MAD1L1: variants seen among roughly 807,000 people sequenced by gnomAD.
MAD1L1 encodes mitotic arrest deficient 1 like 1.
Under a neutral mutation model 96.9 loss-of-function variants are expected in MAD1L1, and 95 were observed. The ratio of observed to expected loss-of-function variants is 0.98; its 90% CI spans 0.83 to 1.16. The LOEUF (loss-of-function observed/expected upper bound fraction) is 1.16, where lower values mean the gene tolerates loss of function less well. Among genes scored for constraint, MAD1L1 ranks in the 50% most tolerant of loss-of-function variants. The pLI is 0.00. For missense variants in MAD1L1, 1,007 were observed against 954.4 expected, an observed-to-expected ratio of 1.06 and a Z score of -0.73; for synonymous variants, 473 against 396.6, an observed-to-expected ratio of 1.19 and a Z score of -2.29.
chr7:1,829,976 T>C (rs568325454), intron 18 of MAD1L1, among the ~76,000 whole-genome samples: 63 of 152,194 alleles, frequency 4.1e-4, no homozygotes, highest in African/African-American at 1.5e-3. Context: ...AGTGGAAATA[T>C]CTCCCCCCAA....
chr7:2,212,301 C>T (rs1310278804), intron 10 of MAD1L1, among the ~76,000 whole-genome samples: 1 of 152,250 alleles, frequency 6.6e-6, no homozygotes, highest in Non-Finnish European at 1.5e-5. Context: ...CACCCAAGCG[C>T]TGGCACTCAG....
chr7:2,009,834 G>A (rs920755685), intron 13 of MAD1L1, among the ~76,000 whole-genome samples: 1 of 152,208 alleles, frequency 6.6e-6, no homozygotes, highest in African/African-American at 2.4e-5. Flanking sequence ...CAGCTCCTGT[G>A]CTGGGCAGCG....
At chr7:2,139,705 C>A (rs535791753) in intron 11 of MAD1L1, among the ~76,000 whole-genome samples, 1 of 152,320 alleles carries the variant, frequency 6.6e-6, no homozygotes, top group East Asian at 1.9e-4. Context: ...GGAAGCCGGG[C>A]TTCGGCAGAC....
At chr7:2,214,793 C>A (rs117206014) in intron 9 of MAD1L1, among the ~76,000 whole-genome samples, 4 of 152,218 alleles carry the variant, frequency 2.6e-5, no homozygotes, top group African/African-American at 7.2e-5. Flanking sequence ...CACCTTCCTA[C>A]CAACTGCCGC....
At chr7:2,080,293 A>T (rs1785574686) in intron 11 of MAD1L1, among the ~76,000 whole-genome samples, 1 of 152,236 alleles carries the variant, frequency 6.6e-6, no homozygotes, top group Non-Finnish European at 1.5e-5. Flanking sequence ...ACGGCTCTTT[A>T]CAGAGAAAGG....
chr7:1,825,456 G>A (rs940741350), intron 18 of MAD1L1, among the ~76,000 whole-genome samples: 3 of 152,250 alleles, frequency 2.0e-5, no homozygotes, highest in Non-Finnish European at 4.4e-5. Flanking sequence ...GGGGTGGGTG[G>A]CGCTGGTCAG....
intron 10 of MAD1L1, among the ~76,000 whole-genome samples, chr7:2,189,011 G>A (rs73289776): frequency 0.041 from 6,307 of 152,226 alleles, 456 homozygotes; most frequent in African/African-American, 0.14. Flanking sequence ...AAGAACAGGC[G>A]AAGAACCTGC....
intron 18 of MAD1L1, among the ~76,000 whole-genome samples, chr7:1,852,506 TG>T (rs1365295262): frequency 6.6e-6 from 1 of 152,148 alleles, no homozygotes; most frequent in Non-Finnish European, 1.5e-5. Flanking sequence ...GCGGAGAGGC[TG>T]GGGCAGCCAG....
At chr7:2,144,452 G>A (rs1023164552) in intron 11 of MAD1L1, among the ~76,000 whole-genome samples, 2 of 152,084 alleles carry the variant, frequency 1.3e-5, no homozygotes, top group African/African-American at 2.4e-5. Context: ...CAGAGAAACC[G>A]CCAAGAGCAT....
At chr7:1,896,872 C>T (rs1364540517) in intron 18 of MAD1L1, among the ~76,000 whole-genome samples, 1 of 152,216 alleles carries the variant, frequency 6.6e-6, no homozygotes, top group African/African-American at 2.4e-5. Context: ...TTATTAATAC[C>T]TAATCATTTT....
At chr7:1,847,494 C>G (rs575037415) in intron 18 of MAD1L1, 1 of 471,142 alleles carries the variant, frequency 2.1e-6, no homozygotes, top group East Asian at 6.9e-5. Context: ...TGGGCGGCCA[C>G]TGCAGGGGAA....
chr7:2,077,853 TCA>T (rs1430905824), intron 11 of MAD1L1, among the ~76,000 whole-genome samples: 1 of 152,132 alleles, frequency 6.6e-6, no homozygotes, highest in African/African-American at 2.4e-5. Context: ...CGTCCTCCAG[TCA>T]CAAGAACTGT....
chr7:2,217,877 G>T, intron 7 of MAD1L1, 85 bp downstream of exon 7: 2 of 1,150,596 alleles, frequency 1.7e-6, no homozygotes, highest in Non-Finnish European at 2.6e-6. Flanking sequence ...ACGGAGCTCG[G>T]CACCAGCGCA....
chr7:2,223,246 G>C (rs1044444084), intron 4 of MAD1L1, among the ~76,000 whole-genome samples: 2 of 152,160 alleles, frequency 1.3e-5, no homozygotes, highest in Non-Finnish European at 2.9e-5. Flanking sequence ...TTTACACTGG[G>C]CTCAAATCTG....
At position 2,149,250 on chromosome 7, in the gene MAD1L1, A is replaced by G. The variant is rs757959459; in HGVS notation, c.987-12T>C. The G allele has an allele frequency of 6.2e-7, 1 of 1,606,102 alleles. No homozygotes were observed. The highest frequency in any genetic ancestry group is 1.3e-5 in the African/African-American group (1 of 74,768). ...GGTCTTCTGGAGTCCTGCAGGATAA[A>G]CAAGGCACACTCAGTTCCAGCTGTC... On this transcript the variant is annotated splice_polypyrimidine_tract_variant and intron_variant, in intron 10 of 18. Coordinates refer to ENST00000265854, the MANE Select transcript of MAD1L1 (RefSeq NM_001013836.2).
chr7:2,132,349 G>A (rs968361645), intron 11 of MAD1L1, among the ~76,000 whole-genome samples: 2 of 152,098 alleles, frequency 1.3e-5, no homozygotes, highest in African/African-American at 4.8e-5. Flanking sequence ...CTCGGGTTTA[G>A]ACGAACGCAT....
intron 10 of MAD1L1, among the ~76,000 whole-genome samples, chr7:2,153,879 C>T (rs561608365): frequency 6.6e-5 from 10 of 152,186 alleles, no homozygotes; most frequent in Non-Finnish European, 1.3e-4. Context: ...AGAGCTGGGC[C>T]GAGCGCGGTG....
At chr7:2,054,196 C>T (rs1458524080) in intron 12 of MAD1L1, among the ~76,000 whole-genome samples, 3 of 152,190 alleles carry the variant, frequency 2.0e-5, no homozygotes, top group East Asian at 1.9e-4. Context: ...CACCCATGGG[C>T]GGGTGGGGAC....
At chr7:1,911,148 T>C (rs4721184) in intron 17 of MAD1L1, among the ~76,000 whole-genome samples, 46,099 of 152,012 alleles carry the variant, frequency 0.3, 8,352 homozygotes, top group East Asian at 0.47. Context: ...CCGCACCCCT[T>C]GAGCCAGACA....
Sources: gnomAD v4.1 joint callset for allele counts (sites outside exome capture counted in the v4.1 genomes callset) on GRCh38, gnomAD v4.1.1 for gene constraint, MANE v1.5 for transcripts, NCBI Gene and HGNC (gene_info 2026-07-23, HGNC 2026-07-21) for gene names.